GAN: variants seen among roughly 807,000 people sequenced by gnomAD.
The protein encoded by GAN is epididymis secretory sperm binding protein.
GAN carries 48 observed loss-of-function variants against 71.3 expected under a neutral mutation model. The observed-to-expected ratio is 0.67, with a 90% CI of 0.53 to 0.86. The LOEUF is 0.86. GAN is among the 40% of genes least tolerant of loss of function. The pLI is 0.00. For synonymous variants in GAN, 386 were observed against 276.8 expected (o/e 1.39, Z -3.92); for missense variants, 928 against 770.1 (o/e 1.21, Z -2.43).
intron 1 of GAN, among the ~76,000 whole-genome samples, chr16:81,331,961 G>A (rs1909592567): frequency 6.6e-6 from 1 of 152,054 alleles, no homozygotes; most frequent in Non-Finnish European, 1.5e-5. Context: ...TCGGGAGTTT[G>A]AGACCAGCCT....
At chr16:81,377,393 C>G (rs371634645) in intron 10 of GAN, 22 bp from the exon 11 acceptor site, 9 of 1,611,180 alleles carry the variant, frequency 5.6e-6, no homozygotes, top group Admixed American at 3.3e-5. Flanking sequence ...TTTTCTCACC[C>G]TTGCTTATTT....
intron 9 of GAN, among the ~76,000 whole-genome samples, chr16:81,370,096 C>T (rs1910990405): frequency 6.6e-6 from 1 of 152,166 alleles, no homozygotes; most frequent in Non-Finnish European, 1.5e-5. Context: ...TTGTCAGGGG[C>T]AACAGTATGC....
rs1378371482 is a variant in GAN, at chr16:81,379,913, A to T, written c.*2317A>T. On this transcript the variant is annotated 3_prime_UTR_variant, in exon 11 of 11. Transcript: ENST00000648994. ...CTTGGTAAATTCATTTTATAAAAAT[A>T]GTGTTTTTTTTTTTTAATTTCAGTT... The T allele has an allele frequency of 1.3e-5, 2 of 150,296 alleles. No individual in the cohort carries two copies. Among genetic ancestry groups the T allele is most frequent in the Non-Finnish European group, 2.9e-5 (2 of 67,838 alleles). 9.3% of individuals were successfully genotyped at this position (150,296 alleles called of 1,614,324 possible).
intron 5 of GAN, among the ~76,000 whole-genome samples, chr16:81,359,412 T>G (rs970748680): frequency 2.6e-5 from 4 of 151,580 alleles, no homozygotes; most frequent in African/African-American, 4.8e-5. Flanking sequence ...ATTGTTTTTT[T>G]TTTTTTTTTT....
intron 1 of GAN, among the ~76,000 whole-genome samples, chr16:81,339,564 A>G (rs2150676946): frequency 6.6e-6 from 1 of 152,352 alleles, no homozygotes; most frequent in East Asian, 1.9e-4. Flanking sequence ...AGCCTCAAGG[A>G]ACTTGGAGTT....
rs955916616 is a variant in GAN, at chr16:81,385,841, C to G, written c.*8245C>G. On this transcript the variant is annotated 3_prime_UTR_variant, in exon 11 of 11. Coordinates refer to ENST00000648994, the MANE Select transcript of GAN (RefSeq NM_022041.4). Reference sequence around the variant, plus strand: ...GGCTGGAGTGCAGTGGCGCCATCTCCCAGGCTCAAGGGATCCTCCTGCCTC... The same window carrying G: ...GGCTGGAGTGCAGTGGCGCCATCTCGCAGGCTCAAGGGATCCTCCTGCCTC... 1.3e-5 allele frequency: 2 copies of G among 150,984 alleles called. No homozygotes were observed. The highest frequency in any genetic ancestry group is 4.9e-5 in the African/African-American group (2 of 40,966). The allele number at this position is 150,984 out of a possible 1,614,324, so 9.4% of individuals were successfully genotyped here.
In GAN at chr16:81,379,228, T is replaced by TA; in HGVS notation, c.*1638dup. ...ACTTACGTTCTCCCACCCATAGACATAAAAAAGGGTGACCTGTGATTTTTT... is the reference window on the plus strand; with the variant it reads ...ACTTACGTTCTCCCACCCATAGACATAAAAAAAGGGTGACCTGTGATTTTTT... On this transcript the variant is annotated 3_prime_UTR_variant, in exon 11 of 11. Coordinates refer to ENST00000648994, the MANE Select transcript of GAN (RefSeq NM_022041.4). The TA allele has an allele frequency of 6.6e-6, 1 of 152,204 alleles. No individual in the cohort carries two copies. Among genetic ancestry groups the TA allele is most frequent in the East Asian group, 1.9e-4 (1 of 5,180 alleles). 9.4% of individuals were successfully genotyped at this position (152,204 alleles called of 1,614,324 possible).
At chr16:81,357,100 A>G (rs1305275600) in intron 4 of GAN, 98 bp downstream of exon 4, 15 of 847,352 alleles carry the variant, frequency 1.8e-5, no homozygotes, top group Non-Finnish European at 2.0e-5. Context: ...CTAAAACATA[A>G]TTACATTTGA....
In GAN at chr16:81,315,110, C is replaced by T. The variant is rs748935934; in HGVS notation, c.-4C>T. On this transcript the variant is annotated 5_prime_UTR_variant, in exon 1 of 11. Transcript: ENST00000648994. ...GACCCGTCGGCAGAGGAGCGGGCGC[C>T]GCGATGGCTGAGGGCAGTGCCGTGT... is the stretch of plus-strand genomic sequence containing the variant. 7.4e-6 allele frequency: 11 copies of T among 1,490,334 alleles called. No homozygotes were observed. In the South Asian group the frequency reaches 1.4e-4, roughly 19 times the overall value. The allele number at this position is 1,490,334 out of a possible 1,614,324, so 92.3% of individuals were successfully genotyped here. A position where few individuals can be genotyped will look rare whatever the true frequency, so the allele number is the denominator to read the frequency against.
intron 3 of GAN, among the ~76,000 whole-genome samples, chr16:81,355,237 C>G (rs754225741): frequency 5.9e-5 from 9 of 152,118 alleles, no homozygotes; most frequent in Admixed American, 3.3e-4. Context: ...CAGGCAGGCT[C>G]TGGAGTTTGT....
chr16:81,318,382 G>T (rs977402639), intron 1 of GAN, among the ~76,000 whole-genome samples: 3 of 152,198 alleles, frequency 2.0e-5, no homozygotes, highest in African/African-American at 7.2e-5. Context: ...CAGTGGTATG[G>T]CCTGGCATGG....
chr16:81,327,088 A>C (rs1259234902), intron 1 of GAN, among the ~76,000 whole-genome samples: 1 of 152,224 alleles, frequency 6.6e-6, no homozygotes, highest in African/African-American at 2.4e-5. Context: ...TTTAGATGGC[A>C]TGGTCAGCTC....
intron 9 of GAN, among the ~76,000 whole-genome samples, chr16:81,370,277 A>C (rs539128901): frequency 6.6e-6 from 1 of 152,340 alleles, no homozygotes; most frequent in South Asian, 2.1e-4. Flanking sequence ...AGAAACAGGT[A>C]CTTTCAGATG....
chr16:81,375,232 C>T (rs1904276813), intron 9 of GAN, among the ~76,000 whole-genome samples: 1 of 148,362 alleles, frequency 6.7e-6, no homozygotes, highest in Non-Finnish European at 1.5e-5. Flanking sequence ...TCTATATCCA[C>T]AGGATATAAA....
intron 5 of GAN, 44 bp downstream of exon 5, chr16:81,357,975 A>G: frequency 3.3e-6 from 5 of 1,527,802 alleles, no homozygotes; most frequent in Non-Finnish European, 4.5e-6. Flanking sequence ...AGATCAAGTA[A>G]TGTGTAATCT....
intron 1 of GAN, among the ~76,000 whole-genome samples, chr16:81,319,480 T>A (rs1292243423): frequency 1.3e-5 from 2 of 152,140 alleles, no homozygotes; most frequent in East Asian, 3.9e-4. Context: ...GAGTAATGTA[T>A]GTGAAAAGGA....
intron 9 of GAN, among the ~76,000 whole-genome samples, chr16:81,376,038 T>G (rs1179477615): frequency 6.6e-6 from 1 of 151,854 alleles, no homozygotes; most frequent in Non-Finnish European, 1.5e-5. Flanking sequence ...TCAACATCAT[T>G]GGTCTTCAGG....
At chr16:81,315,426 G>T in intron 1 of GAN, 146 bp downstream of exon 1, 3 of 485,280 alleles carry the variant, frequency 6.2e-6, no homozygotes, top group East Asian at 4.9e-5. Context: ...GTCCCTCCCG[G>T]CAAGCGCCGG....
intron 1 of GAN, among the ~76,000 whole-genome samples, chr16:81,319,678 G>C (rs945918380): frequency 2.6e-5 from 4 of 152,252 alleles, no homozygotes; most frequent in Admixed American, 6.5e-5. Context: ...CCTTTGATGA[G>C]TCAGCTAAGA....
Sources: allele counts gnomAD v4.1 joint callset (sites outside exome capture counted in the v4.1 genomes callset), GRCh38; gene constraint gnomAD v4.1.1; transcripts MANE v1.5; gene names NCBI Gene and HGNC (gene_info 2026-07-23, HGNC 2026-07-21).